The following RNF157 variants were observed in gnomAD, a reference collection of about 807,000 sequenced individuals.
RNF157 encodes E3 ubiquitin ligase RNF157.
In RNF157, 55 loss-of-function variants were observed where a neutral mutation model predicts 88.3. That is an observed-to-expected ratio of 0.62 (90% CI 0.50 to 0.78). The LOEUF is 0.78. Among genes scored for constraint, RNF157 ranks in the 30% least tolerant of loss-of-function variants. The pLI, the probability that RNF157 is intolerant of heterozygous loss-of-function variation, is 0.00. For synonymous variants in RNF157, 334 were observed against 341.2 expected, an observed-to-expected ratio of 0.98 and a Z score of 0.23; for missense variants, 788 against 860.8, an observed-to-expected ratio of 0.92 and a Z score of 1.06.
intron 16 of RNF157, chr17:76,154,535 C>G: frequency 1.7e-6 from 1 of 576,936 alleles, no homozygotes; most frequent in Non-Finnish European, 3.1e-6. Flanking sequence ...GGGATTAGAT[C>G]CGAGCCACAT....
intron 2 of RNF157, chr17:76,175,768 G>A: frequency 2.0e-6 from 2 of 985,042 alleles, no homozygotes; most frequent in Non-Finnish European, 2.4e-6. Context: ...AAAAAAAGAT[G>A]CGTCTTTTCC....
chr17:76,212,557 ATTTTT>A, intron 1 of RNF157, 75 bp from the exon 2 acceptor site: 3 of 998,356 alleles, frequency 3.0e-6, no homozygotes, highest in African/African-American at 1.6e-5. Context: ...AAAAAAGCTG[ATTTTT>A]AAAATGTTAA....
chr17:76,181,907 CAAAAAAA>C lies in RNF157; in HGVS notation c.208-8124_208-8118del, dbSNP rs36009510. On this transcript the variant is annotated intron_variant, in intron 2 of 18. Coordinates refer to ENST00000269391, the MANE Select transcript of RNF157 (RefSeq NM_052916.3). ...TGGGTGACCGAGTGAGACTCTGTCT[CAAAAAAA>C]AAAAAAAAAAAGAATAAATAAATAA... 6.6e-4 allele frequency among the ~76,000 whole-genome samples: 50 copies of C among 75,924 alleles called. 1 individual carries two copies. Among genetic ancestry groups the C allele is most frequent in the African/African-American group, 2.0e-3 (44 of 21,528 alleles). The allele number at this position is 75,924 out of a possible 152,430, so 49.8% of individuals were successfully genotyped here.
At chr17:76,171,113 C>T (rs1035880404) in intron 3 of RNF157, among the ~76,000 whole-genome samples, 3 of 151,946 alleles carry the variant, frequency 2.0e-5, no homozygotes, top group Non-Finnish European at 4.4e-5. Flanking sequence ...AGGATGGTCT[C>T]GATCTCCTGA....
chr17:76,165,621 T>C, intron 6 of RNF157, 76 bp from the exon 7 acceptor site: 1 of 1,512,454 alleles, frequency 6.6e-7, no homozygotes, highest in Non-Finnish European at 9.2e-7. Context: ...TCCAGTTCCC[T>C]GCAATCTGGC....
intron 1 of RNF157, among the ~76,000 whole-genome samples, chr17:76,228,424 T>C (rs2070131823): frequency 6.6e-6 from 1 of 152,194 alleles, no homozygotes; most frequent in Admixed American, 6.5e-5. Flanking sequence ...CATTCCTCCT[T>C]TCCAAGGTTA....
In RNF157 at chr17:76,152,371, A is replaced by G. The variant is rs887214444; in HGVS notation, c.1905T>C (p.Ser635=). ...GACACTCACCAGGTAAGCAGACCTC[A>G]GAGCACAGCTTATTGTCCAGTGCTT... The part of the protein sequence containing the change: ...SVKALDNKLC[S]EVCLPGAWQA... The change falls in exon 18 of 19, where the codon TCT becomes TCC. Residue 635 remains serine, a synonymous_variant. Coordinates refer to ENST00000269391, the MANE Select transcript of RNF157 (RefSeq NM_052916.3). The G allele has an allele frequency of 1.9e-6, 3 of 1,608,814 alleles. No individual in the cohort carries two copies. The highest frequency in any genetic ancestry group is 3.3e-5 in the Admixed American group (2 of 59,992).
chr17:76,214,254 C>G (rs1375540392), intron 1 of RNF157, among the ~76,000 whole-genome samples: 1 of 152,198 alleles, frequency 6.6e-6, no homozygotes, highest in Non-Finnish European at 1.5e-5. Context: ...CTCTGCAGAA[C>G]TGAGTGGTTG....
In RNF157 at chr17:76,157,188, G is replaced by A. The variant is rs1406643830; in HGVS notation, c.1414-867C>T. ...TCACCATGTTAGCCAGGATGGTCTC[G>A]ATCTCCTGACCTCGTGATCCGCCCG... On this transcript the variant is annotated intron_variant, in intron 13 of 18. Coordinates refer to ENST00000269391, the MANE Select transcript of RNF157 (RefSeq NM_052916.3). The surrounding 1 kb of genome is among the most constrained non-coding windows in gnomAD (Gnocchi z 5.6). 2.0e-5 allele frequency among the ~76,000 whole-genome samples: 3 copies of A among 152,150 alleles called. No individual in the cohort carries two copies. Among genetic ancestry groups the A allele is most frequent in the African/African-American group, 2.4e-5 (1 of 41,422 alleles).
Position 76,161,999 on chromosome 17 carries a change from C to G in RNF157, c.796G>C (p.Ala266Pro). Reference sequence around the variant, plus strand: ...CTGTTATCACTCACTTCGTCTTCAGCCACCTGGCCAAGGAGAAAGAAATGT... The same window carrying G: ...CTGTTATCACTCACTTCGTCTTCAGGCACCTGGCCAAGGAGAAAGAAATGT... ...NKYNTQDSKVAEDEVSDNSAE... is the reference protein window; with the variant it reads ...NKYNTQDSKVPEDEVSDNSAE... Residue 266 changes from alanine to proline, a missense_variant, in exon 10 of 19, where the codon GCT becomes CCT. Physicochemically the swap from Ala to Pro is conservative, Grantham distance 27. Transcript: ENST00000269391. The surrounding 1 kb of genome is among the most constrained non-coding windows in gnomAD (Gnocchi z 4.6). 6.2e-7 allele frequency: 1 copy of G among 1,612,742 alleles called. No individual in the cohort carries two copies. The highest frequency in any genetic ancestry group is 8.5e-7 in the Non-Finnish European group (1 of 1,179,030).
chr17:76,198,477 T>C (rs2069514879), intron 2 of RNF157, among the ~76,000 whole-genome samples: 1 of 152,086 alleles, frequency 6.6e-6, no homozygotes, highest in African/African-American at 2.4e-5. Context: ...GCACATAAAG[T>C]GGGAAAATCC....
chr17:76,151,391 A>AC (rs1171014291), intron 18 of RNF157, among the ~76,000 whole-genome samples: 1 of 152,198 alleles, frequency 6.6e-6, no homozygotes, highest in Non-Finnish European at 1.5e-5. Flanking sequence ...GAGAGTGGCA[A>AC]CCACAGAGGT....
intron 1 of RNF157, among the ~76,000 whole-genome samples, chr17:76,230,858 A>AG (rs1250930891): frequency 9.1e-5 from 5 of 55,096 alleles, no homozygotes; most frequent in Non-Finnish European, 1.4e-4. Flanking sequence ...AAAAAAAAAA[A>AG]AGAGAGAGAG....
Position 76,143,774 on chromosome 17 carries a change from T to G in RNF157, c.*1461A>C, listed in dbSNP as rs2068546687. 6.6e-6 allele frequency: 1 copy of G among 152,068 alleles called. No individual in the cohort carries two copies. Among genetic ancestry groups the G allele is most frequent in the African/African-American group, 2.4e-5 (1 of 41,390 alleles). 9.4% of individuals were successfully genotyped at this position (152,068 alleles called of 1,614,324 possible). The stretch of plus-strand genomic sequence containing the variant: ...AAACAGCCTTGAATTTTTTTTTTTT[T>G]GTTTGAGACAGAGTTTCGATCTTTT... On this transcript the variant is annotated 3_prime_UTR_variant, in exon 19 of 19. Transcript: ENST00000269391.
chr17:76,148,355 C>T (rs1021900644), intron 18 of RNF157, among the ~76,000 whole-genome samples: 2 of 150,372 alleles, frequency 1.3e-5, no homozygotes, highest in African/African-American at 4.9e-5. Context: ...CAAGCTCCGC[C>T]TCCCGGGTTC....
rs2068593342 is a variant in RNF157 at position 76,146,849 on chromosome 17, TGA to T, written c.1922-1498_1922-1497del. 1.0e-6 allele frequency: 1 copy of T among 985,438 alleles called. No individual in the cohort carries two copies. Among genetic ancestry groups the T allele is most frequent in the Non-Finnish European group, 1.2e-6 (1 of 829,938 alleles). 61.0% of individuals were successfully genotyped at this position (985,438 alleles called of 1,614,324 possible). ...CAACTGTAGAGTGTGGCCGTGAGGT[TGA>T]GAGAGGCCACTCACAAGTGTCCAGG... is the stretch of plus-strand genomic sequence containing the variant. On this transcript the variant is annotated intron_variant, in intron 18 of 18. Transcript: ENST00000269391. The surrounding 1 kb of genome is among the most constrained non-coding windows in gnomAD (Gnocchi z 4.2).
Position 76,151,435 on chromosome 17 carries a change from A to G in RNF157, c.1921+920T>C, listed in dbSNP as rs571213081. ...TCCAACGCCTCCAGCCACGTCGCTG[A>G]GCGAGTAAAGCACTGGACCCGTGAT... On this transcript the variant is annotated intron_variant, in intron 18 of 18. Coordinates refer to ENST00000269391, the MANE Select transcript of RNF157 (RefSeq NM_052916.3). Among the ~76,000 whole-genome samples the G allele has an allele frequency of 5.0e-4, 76 of 152,320 alleles. 1 individual carries two copies. In the South Asian group the frequency reaches 0.01, roughly 20 times the overall value.
At chr17:76,171,134 C>T (rs968512617) in intron 3 of RNF157, among the ~76,000 whole-genome samples, 1 of 151,986 alleles carries the variant, frequency 6.6e-6, no homozygotes, top group Non-Finnish European at 1.5e-5. Context: ...CCTCGTGATC[C>T]GCCCGCCTTG....
intron 1 of RNF157, among the ~76,000 whole-genome samples, chr17:76,237,148 C>A (rs2070296823): frequency 6.6e-6 from 1 of 152,160 alleles, no homozygotes; most frequent in Non-Finnish European, 1.5e-5. Context: ...TAGAAAAAAG[C>A]TACAAACCCA....
Sources: allele counts gnomAD v4.1 joint callset (sites outside exome capture counted in the v4.1 genomes callset), GRCh38; gene constraint gnomAD v4.1.1; non-coding constraint Gnocchi (gnomAD v3.1); transcripts MANE v1.5; gene names NCBI Gene and HGNC (gene_info 2026-07-23, HGNC 2026-07-21).